FAM135B: variants seen among roughly 807,000 people sequenced by gnomAD.
FAM135B encodes family with sequence similarity 135 member B, also known as protein FAM135B.
FAM135B carries 43 observed loss-of-function variants against 127.7 expected under a neutral mutation model. That is an observed-to-expected ratio of 0.34 (90% CI 0.26 to 0.43). FAM135B has a LOEUF of 0.43. FAM135B is among the 20% of genes least tolerant of loss of function. The pLI is 1.00. For missense variants in FAM135B, 1,558 were observed against 1,725.6 expected, an observed-to-expected ratio of 0.90 and a Z score of 1.72; for synonymous variants, 670 against 665.1, an observed-to-expected ratio of 1.01 and a Z score of -0.11.
intron 2 of FAM135B, among the ~76,000 whole-genome samples, chr8:138,360,676 T>C (rs1243245662): frequency 6.6e-6 from 1 of 152,232 alleles, no homozygotes; most frequent in Non-Finnish European, 1.5e-5. Context: ...TCGGGAACTT[T>C]AGCAAGTGCT....
chr8:138,466,016 T>C (rs907168006), intron 1 of FAM135B, among the ~76,000 whole-genome samples: 2 of 152,186 alleles, frequency 1.3e-5, no homozygotes, highest in Non-Finnish European at 2.9e-5. Context: ...ACTCAGGTGA[T>C]CTGCCTGCCT....
chr8:138,153,170 A>G lies in FAM135B; in HGVS notation c.1305T>C (p.Ser435=), dbSNP rs2130793488. 1 of 1,600,574 alleles carries G rather than the reference A, an allele frequency of 6.2e-7. No individual in the cohort carries two copies. The highest frequency in any genetic ancestry group is 8.5e-7 in the Non-Finnish European group (1 of 1,171,124). ...VYPNFDVPVT[S]PTIMNLKDKE... ...TGTCTTTCAGATTCATTATTGTAGG[A>G]CTTGTCACTGGAACATCAAAATTAG... Residue 435 remains serine (S), a synonymous_variant, in exon 13 of 20, where the codon AGT becomes AGC. Coordinates refer to ENST00000395297, the MANE Select transcript of FAM135B (RefSeq NM_015912.4).
intron 1 of FAM135B, among the ~76,000 whole-genome samples, chr8:138,469,903 A>G (rs918480453): frequency 2.6e-5 from 4 of 152,234 alleles, no homozygotes; most frequent in Non-Finnish European, 4.4e-5. Flanking sequence ...CAACTAGCAC[A>G]TCGGCTGACA....
intron 7 of FAM135B, among the ~76,000 whole-genome samples, chr8:138,215,307 T>A (rs1028147659): frequency 6.6e-6 from 1 of 152,168 alleles, no homozygotes; most frequent in Admixed American, 6.5e-5. Flanking sequence ...AGATAACGTG[T>A]GCAAGAACTT....
chr8:138,136,930 A>G (rs966950120), intron 19 of FAM135B, among the ~76,000 whole-genome samples: 3 of 152,184 alleles, frequency 2.0e-5, no homozygotes, highest in African/African-American at 7.2e-5. Flanking sequence ...GACTGAACAG[A>G]AGTTTCATAA....
At chr8:138,496,022 C>T (rs140242647) in intron 1 of FAM135B, among the ~76,000 whole-genome samples, 2 of 152,260 alleles carry the variant, frequency 1.3e-5, no homozygotes, top group Non-Finnish European at 2.9e-5. Context: ...GTCTTGACTG[C>T]TAGCTCAAAA....
chr8:138,287,721 G>A (rs1410295099), intron 3 of FAM135B, among the ~76,000 whole-genome samples: 2 of 152,178 alleles, frequency 1.3e-5, no homozygotes, highest in African/African-American at 4.8e-5. Flanking sequence ...CTACTGAAAT[G>A]AAGTCACTAA....
Position 138,130,153 on chromosome 8 carries a change from A to C in FAM135B, c.*2440T>G, listed in dbSNP as rs1307632065. ...TATCTTGGCAGGCATTTTGTTTATA[A>C]TTTTTACAATCAATAATAGAATGTC... is the stretch of plus-strand genomic sequence containing the variant. On this transcript the variant is annotated 3_prime_UTR_variant, in exon 20 of 20. Coordinates refer to ENST00000395297, the MANE Select transcript of FAM135B (RefSeq NM_015912.4). The C allele has an allele frequency of 6.6e-6, 1 of 151,274 alleles. No individual in the cohort carries two copies. The highest frequency in any genetic ancestry group is 1.5e-5 in the Non-Finnish European group (1 of 67,892). 9.4% of individuals were successfully genotyped at this position (151,274 alleles called of 1,614,324 possible). A position where few individuals can be genotyped will look rare whatever the true frequency, so the allele number is the denominator to read the frequency against.
intron 12 of FAM135B, among the ~76,000 whole-genome samples, chr8:138,154,565 C>T (rs541421651): frequency 2.0e-5 from 3 of 152,148 alleles, no homozygotes; most frequent in South Asian, 2.1e-4. Context: ...AGACAAATGG[C>T]TAACTAGAAT....
Position 138,184,654 on chromosome 8 carries a change from C to T in FAM135B, c.874-5964G>A, listed in dbSNP as rs151270726. Among the ~76,000 whole-genome samples the T allele has an allele frequency of 2.6e-4, 40 of 152,254 alleles. 1 individual carries two copies. Among genetic ancestry groups the T allele is most frequent in the East Asian group, 1.4e-3 (7 of 5,170 alleles). On this transcript the variant is annotated intron_variant, in intron 9 of 19. Transcript: ENST00000395297. Reference sequence around the variant, plus strand: ...CTGTGTGCACTGCTGCAGAAAAGACCGGGCAGAGAAGAGTTGAACCCTGTG... The same window carrying T: ...CTGTGTGCACTGCTGCAGAAAAGACTGGGCAGAGAAGAGTTGAACCCTGTG...
intron 3 of FAM135B, among the ~76,000 whole-genome samples, chr8:138,307,782 G>T (rs1826376926): frequency 6.8e-6 from 1 of 147,190 alleles, no homozygotes; most frequent in South Asian, 2.1e-4. Flanking sequence ...ACAGCCAAAT[G>T]AAATCATTTA....
At chr8:138,325,491 G>C (rs1455033783) in intron 2 of FAM135B, among the ~76,000 whole-genome samples, 1 of 152,172 alleles carries the variant, frequency 6.6e-6, no homozygotes, top group Non-Finnish European at 1.5e-5. Flanking sequence ...AACAGAGGAA[G>C]TAAATGGGCG....
At chr8:138,295,348 G>A (rs1563867253) in intron 3 of FAM135B, among the ~76,000 whole-genome samples, 1 of 151,992 alleles carries the variant, frequency 6.6e-6, no homozygotes, top group South Asian at 2.1e-4. Flanking sequence ...ACTTTGCAGA[G>A]AGCCAACATC....
At chr8:138,174,254 T>A (rs533281785) in intron 11 of FAM135B, among the ~76,000 whole-genome samples, 1 of 152,248 alleles carries the variant, frequency 6.6e-6, no homozygotes, top group South Asian at 2.1e-4. Context: ...ACAAGATGGG[T>A]CTTGACAGCT....
chr8:138,215,660 C>T (rs1024446176), intron 7 of FAM135B, among the ~76,000 whole-genome samples: 39 of 152,190 alleles, frequency 2.6e-4, no homozygotes, highest in East Asian at 1.9e-4. Flanking sequence ...TGCTTTGGCA[C>T]AGACAGAACA....
chr8:138,291,181 G>A (rs1161745364), intron 3 of FAM135B, among the ~76,000 whole-genome samples: 1 of 152,184 alleles, frequency 6.6e-6, no homozygotes, highest in African/African-American at 2.4e-5. Flanking sequence ...ACTGAAAACT[G>A]GCTGGATCAA....
rs1339738800 is a variant in FAM135B at position 138,152,181 on chromosome 8, G to A, written c.2294C>T (p.Thr765Ile). ...AGCAGATACAGACTTGGTTAACTTA[G>A]TGAGTGCCACCTCCCGCTCATCCTC... The part of the protein sequence containing the change: ...FEEDEREVAL[T>I]KLTKSVSAPH... Residue 765 changes from threonine to isoleucine, a missense_variant, in exon 13 of 20, where the codon ACT (threonine) becomes ATT (isoleucine). By Grantham distance (89) the Thr-to-Ile change is moderately conservative (BLOSUM62 -1). Around this residue, in one of 5 missense-constraint regions of FAM135B, gnomAD observed 923 missense variants for 865.3 expected, o/e 1.07. Transcript: ENST00000395297. The A allele has an allele frequency of 6.2e-7, 1 of 1,614,094 alleles. No homozygotes were observed. The highest frequency in any genetic ancestry group is 8.5e-7 in the Non-Finnish European group (1 of 1,180,032).
chr8:138,376,487 C>A (rs979375476), intron 1 of FAM135B, among the ~76,000 whole-genome samples: 7 of 152,196 alleles, frequency 4.6e-5, no homozygotes, highest in Non-Finnish European at 8.8e-5. Context: ...CACCAAGAAG[C>A]TCAAGTTCTG....
intron 8 of FAM135B, among the ~76,000 whole-genome samples, chr8:138,197,062 TA>T (rs1300308290): frequency 6.7e-6 from 1 of 150,258 alleles, no homozygotes; most frequent in Non-Finnish European, 1.5e-5. Flanking sequence ...AGCTCAAGCA[TA>T]TATGTATGCA....
Sources: gnomAD v4.1 joint callset for allele counts (sites outside exome capture counted in the v4.1 genomes callset) on GRCh38, gnomAD v4.1.1 for gene constraint, gnomAD v4.1.1 regional missense constraint, MANE v1.5 for transcripts, NCBI Gene and HGNC (gene_info 2026-07-23, HGNC 2026-07-21) for gene names.